The following ATOSA variants were observed in gnomAD, a reference collection of about 807,000 sequenced individuals.
ATOSA encodes atos homolog protein A.
chr15:52,596,856 G>A, the ATOSA span, among the ~76,000 whole-genome samples: 4 of 152,120 alleles, frequency 2.6e-5, no homozygotes, highest in East Asian at 1.9e-4. Context: ...TTTTACTCTT[G>A]TAAAGACACT....
At chr15:52,688,982 TCA>T in the ATOSA span, among the ~76,000 whole-genome samples, 1 of 152,250 alleles carries the variant, frequency 6.6e-6, no homozygotes, top group Non-Finnish European at 1.5e-5. Context: ...GTTGGGAAAT[TCA>T]CAGTGCCATT....
At chr15:52,697,957 A>ATTTTTTTT in the ATOSA span, among the ~76,000 whole-genome samples, 18 of 44,778 alleles carry the variant, frequency 4.0e-4, no homozygotes, top group South Asian at 1.3e-3. Flanking sequence ...GGGATGTAGA[A>ATTTTTTTT]TTTTTTTTTT....
chr15:52,672,199 A>AC, the ATOSA span, among the ~76,000 whole-genome samples: 1 of 150,430 alleles, frequency 6.6e-6, no homozygotes, highest in Non-Finnish European at 1.5e-5. Flanking sequence ...AAAAAAGACA[A>AC]TTAGCCAGGC....
At chr15:52,661,352 C>T in the ATOSA span, among the ~76,000 whole-genome samples, 1 of 152,322 alleles carries the variant, frequency 6.6e-6, no homozygotes, top group Admixed American at 6.5e-5. Flanking sequence ...GGTGCCAGAA[C>T]CTAGAGGCAA....
the ATOSA span, among the ~76,000 whole-genome samples, chr15:52,605,629 A>T: frequency 6.6e-6 from 1 of 152,088 alleles, no homozygotes; most frequent in South Asian, 2.1e-4. Context: ...GTTTACACAC[A>T]ATATATATAT....
chr15:52,637,519 C>T, the ATOSA span, among the ~76,000 whole-genome samples: 84,182 of 152,000 alleles, frequency 0.55, 27,361 homozygotes, highest in Non-Finnish European at 0.73. Context: ...AATTGTACCT[C>T]CTAATAGCTC....
At chr15:52,679,808 CT>C in the ATOSA span, among the ~76,000 whole-genome samples, 2 of 112,240 alleles carry the variant, frequency 1.8e-5, no homozygotes, top group African/African-American at 3.6e-5. Context: ...CCTCCCCCTC[CT>C]TCCCCCCCTC....
the ATOSA span, among the ~76,000 whole-genome samples, chr15:52,612,151 AT>A: frequency 8.5e-5 from 13 of 152,100 alleles, no homozygotes; most frequent in East Asian, 9.7e-4. Context: ...CGCCAGACTA[AT>A]TTTTATACTT....
the ATOSA span, chr15:52,598,432 A>G: frequency 6.6e-6 from 1 of 152,212 alleles, no homozygotes; most frequent in Admixed American, 6.5e-5. Context: ...TCTAAGGATC[A>G]TGATTTCCCC....
the ATOSA span, among the ~76,000 whole-genome samples, chr15:52,646,846 T>C: frequency 6.6e-6 from 1 of 152,356 alleles, no homozygotes; most frequent in East Asian, 1.9e-4. Context: ...AGATGTGTTT[T>C]TCCCCCTAGC....
At chr15:52,619,534 C>T in the ATOSA span, among the ~76,000 whole-genome samples, 1 of 151,984 alleles carries the variant, frequency 6.6e-6, no homozygotes, top group Non-Finnish European at 1.5e-5. Context: ...GCCTTCTTAC[C>T]AGTTACATGT....
the ATOSA span, among the ~76,000 whole-genome samples, chr15:52,664,954 G>A: frequency 3.9e-5 from 6 of 152,060 alleles, no homozygotes; most frequent in East Asian, 1.2e-3. Flanking sequence ...TGGGGGTGGG[G>A]GGGTGCAGGG....
chr15:52,708,285 T>G, the ATOSA span, among the ~76,000 whole-genome samples: 92 of 152,212 alleles, frequency 6.0e-4, 3 homozygotes, highest in Admixed American at 5.8e-3. Context: ...GGACTTTCCT[T>G]CAGGTTCCAA....
chr15:52,697,916 T>C, the ATOSA span, among the ~76,000 whole-genome samples: 3 of 144,976 alleles, frequency 2.1e-5, no homozygotes, highest in African/African-American at 5.0e-5. Context: ...AAGGCTCCAA[T>C]TTAAAAGACT....
At chr15:52,605,279 T>C in the ATOSA span, 1 of 1,462,910 alleles carries the variant, frequency 6.8e-7, no homozygotes, top group Non-Finnish European at 9.4e-7. Context: ...TTAATTGTAA[T>C]ATTTAAATAC....
chr15:52,640,310 G>A, the ATOSA span, among the ~76,000 whole-genome samples: 3 of 151,934 alleles, frequency 2.0e-5, no homozygotes, highest in South Asian at 2.1e-4. Context: ...TGGGCCAGGT[G>A]AGGTGGCTCA....
At chr15:52,681,520 A>C in the ATOSA span, among the ~76,000 whole-genome samples, 1 of 152,206 alleles carries the variant, frequency 6.6e-6, no homozygotes, top group Non-Finnish European at 1.5e-5. Flanking sequence ...ACATGTTCAG[A>C]GCGTTTGGAA....
chr15:52,638,986 T>C, the ATOSA span, among the ~76,000 whole-genome samples: 1 of 149,634 alleles, frequency 6.7e-6, no homozygotes, highest in African/African-American at 2.5e-5. Context: ...GCACTGATTA[T>C]GAAGAAAAAA....
chr15:52,676,927 C>G, the ATOSA span, among the ~76,000 whole-genome samples: 4 of 152,134 alleles, frequency 2.6e-5, no homozygotes, highest in Admixed American at 6.5e-5. Flanking sequence ...GGAACCTGCT[C>G]AGGAGCAATA....
Sources: allele counts gnomAD v4.1 joint callset (sites outside exome capture counted in the v4.1 genomes callset), GRCh38; gene constraint gnomAD v4.1.1; transcripts MANE v1.5; gene names NCBI Gene and HGNC (gene_info 2026-07-23, HGNC 2026-07-21).